The following GPC5 variants were observed in gnomAD, a reference collection of about 807,000 sequenced individuals.
GPC5 encodes the protein glypican 5, also known as glypican-5.
A neutral mutation model predicts 53.9 loss-of-function variants in GPC5; 47 were observed. The ratio of observed to expected loss-of-function variants is 0.87; its 90% CI spans 0.69 to 1.11. The LOEUF (loss-of-function observed/expected upper bound fraction) is 1.11. Ranked by LOEUF, GPC5 falls within the 50% of genes most tolerant of loss-of-function variation. The probability of loss-of-function intolerance (pLI) is 0.00; values close to 1 mark genes in which losing one functional copy is unlikely to be tolerated. For missense variants in GPC5, 748 were observed against 713.1 expected (o/e 1.05, Z -0.56); for synonymous variants, 286 against 263.3 (o/e 1.09, Z -0.84).
chr13:92,446,234 C>A (rs951116394), intron 7 of GPC5, among the ~76,000 whole-genome samples: 1 of 151,654 alleles, frequency 6.6e-6, no homozygotes, highest in Non-Finnish European at 1.5e-5. Flanking sequence ...TTCACCTTCT[C>A]TGCCTTAACC....
intron 7 of GPC5, among the ~76,000 whole-genome samples, chr13:92,516,648 C>A (rs1298805783): frequency 6.6e-6 from 1 of 152,126 alleles, no homozygotes; most frequent in African/African-American, 2.4e-5. Flanking sequence ...TAGGAACGTC[C>A]TTGTTTTAAT....
chr13:91,586,978 A>G (rs958896528), intron 2 of GPC5, among the ~76,000 whole-genome samples: 2 of 152,156 alleles, frequency 1.3e-5, no homozygotes, highest in Admixed American at 6.6e-5. Flanking sequence ...CATTTCTTGT[A>G]TTAACAAAAA....
chr13:91,639,577 A>G (rs1478094872), intron 2 of GPC5, among the ~76,000 whole-genome samples: 1 of 152,168 alleles, frequency 6.6e-6, no homozygotes, highest in Admixed American at 6.5e-5. Context: ...AATTGAGTCA[A>G]TTGGCATCCT....
At chr13:92,042,448 C>T (rs2040949161) in intron 6 of GPC5, among the ~76,000 whole-genome samples, 1 of 151,934 alleles carries the variant, frequency 6.6e-6, no homozygotes, top group Non-Finnish European at 1.5e-5. Context: ...TGTGATAACT[C>T]AGGGGTGATC....
chr13:92,381,868 TCA>T (rs2043744621), intron 7 of GPC5, among the ~76,000 whole-genome samples: 3 of 123,242 alleles, frequency 2.4e-5, no homozygotes, highest in East Asian at 2.2e-4. Flanking sequence ...ATTATATATA[TCA>T]TATATATGAT....
chr13:92,076,772 A>T (rs1353033525), intron 6 of GPC5, among the ~76,000 whole-genome samples: 3 of 152,198 alleles, frequency 2.0e-5, no homozygotes, highest in Non-Finnish European at 4.4e-5. Flanking sequence ...ATGGTCCTGC[A>T]AAGCTGTCCT....
intron 7 of GPC5, among the ~76,000 whole-genome samples, chr13:92,220,547 T>C (rs1002471250): frequency 2.0e-5 from 3 of 152,216 alleles, no homozygotes; most frequent in African/African-American, 7.2e-5. Flanking sequence ...TATACTAGGA[T>C]ACTATCGGGA....
chr13:92,753,748 A>G (rs1369764759), intron 7 of GPC5, among the ~76,000 whole-genome samples: 1 of 152,152 alleles, frequency 6.6e-6, no homozygotes, highest in Non-Finnish European at 1.5e-5. Flanking sequence ...GATGAAATGA[A>G]TGAAATGAAG....
intron 7 of GPC5, among the ~76,000 whole-genome samples, chr13:92,148,792 CA>C: frequency 6.6e-6 from 1 of 152,162 alleles, no homozygotes; most frequent in Non-Finnish European, 1.5e-5. Context: ...TTTGGCCATG[CA>C]GAACGAATCT....
rs539871059 is a variant in GPC5 at position 92,787,202 on chromosome 13, A to C, written c.1562-79080A>C. On this transcript the variant is annotated intron_variant, in intron 7 of 7. Transcript: ENST00000377067. ...TAAGTAAAACAACCCAAAAAACTGT[A>C]GGGTTGGGAAGATAAAAAATAAATT... Among the ~76,000 whole-genome samples, 6 of 152,288 alleles carry C rather than the reference A, an allele frequency of 3.9e-5. No homozygotes were observed. The East Asian group carries it at 1.2e-3, about 30-fold the overall frequency.
intron 7 of GPC5, among the ~76,000 whole-genome samples, chr13:92,195,462 G>C (rs1566479468): frequency 1.3e-5 from 2 of 152,114 alleles, no homozygotes; most frequent in African/African-American, 4.8e-5. Flanking sequence ...CCAGTATATT[G>C]ATCTTACTGT....
intron 7 of GPC5, among the ~76,000 whole-genome samples, chr13:92,334,621 G>C (rs1170480356): frequency 6.6e-6 from 1 of 152,098 alleles, no homozygotes; most frequent in Admixed American, 6.5e-5. Context: ...GACAAGGCAA[G>C]TCCCTTCCTC....
chr13:91,518,486 C>T (rs1885630119), intron 2 of GPC5, among the ~76,000 whole-genome samples: 1 of 152,202 alleles, frequency 6.6e-6, no homozygotes, highest in South Asian at 2.1e-4. Flanking sequence ...TATTGGACAG[C>T]TGATACTCAG....
chr13:92,216,482 T>C (rs1465196796), intron 7 of GPC5, among the ~76,000 whole-genome samples: 3 of 152,202 alleles, frequency 2.0e-5, no homozygotes, highest in African/African-American at 7.2e-5. Flanking sequence ...GTCTGATGCC[T>C]CATTGTCCAG....
intron 7 of GPC5, among the ~76,000 whole-genome samples, chr13:92,391,955 A>G (rs942325219): frequency 2.0e-5 from 3 of 152,164 alleles, no homozygotes; most frequent in African/African-American, 7.2e-5. Flanking sequence ...CCCCGGCTTT[A>G]ATGACTTCAT....
intron 7 of GPC5, among the ~76,000 whole-genome samples, chr13:92,564,006 G>T (rs992970150): frequency 6.6e-6 from 1 of 151,790 alleles, no homozygotes; most frequent in Non-Finnish European, 1.5e-5. Context: ...TTTAGAAAAA[G>T]AGGAATTATG....
At position 91,762,309 on chromosome 13, in the gene GPC5, ATT is replaced by A. The variant is rs34722954; in HGVS notation, c.1280+5900_1280+5901del. ...TCCTGACCATAATTTTGTTAACCTCATTTTTTTTTTTTCTTTTACCCATTATC... is the reference window on the plus strand; with the variant it reads ...TCCTGACCATAATTTTGTTAACCTCATTTTTTTTTTCTTTTACCCATTATC... On this transcript the variant is annotated intron_variant, in intron 5 of 7. Transcript: ENST00000377067. Among the ~76,000 whole-genome samples, 271 of 146,214 alleles carry A rather than the reference ATT, an allele frequency of 1.9e-3. 2 individuals are homozygous for A. Among genetic ancestry groups the A allele is most frequent in the African/African-American group, 6.2e-3 (250 of 40,170 alleles).
intron 7 of GPC5, among the ~76,000 whole-genome samples, chr13:92,338,773 T>C (rs1472516134): frequency 6.6e-6 from 1 of 152,118 alleles, no homozygotes; most frequent in Non-Finnish European, 1.5e-5. Flanking sequence ...AGATGATTTA[T>C]AGGGAACTGA....
chr13:92,696,290 T>G (rs9556201), intron 7 of GPC5, among the ~76,000 whole-genome samples: 18,839 of 152,138 alleles, frequency 0.12, 1,776 homozygotes, highest in East Asian at 0.38. Flanking sequence ...TCCACAATGG[T>G]GCAATAATTT....
Sources: allele counts gnomAD v4.1 joint callset (sites outside exome capture counted in the v4.1 genomes callset), GRCh38; gene constraint gnomAD v4.1.1; transcripts MANE v1.5; gene names NCBI Gene and HGNC (gene_info 2026-07-23, HGNC 2026-07-21).